Variants in RCAN2 observed in about 807,000 individuals in gnomAD.
RCAN2 encodes the protein calcipressin-2.
RCAN2 carries 9 observed loss-of-function variants against 23.6 expected under a neutral mutation model. The ratio of observed to expected loss-of-function variants is 0.38; its 90% CI spans 0.23 to 0.67. RCAN2 has a LOEUF of 0.67. RCAN2 is among the 30% of genes least tolerant of loss of function. The pLI, the probability that RCAN2 is intolerant of heterozygous loss-of-function variation, is 0.51. For missense variants in RCAN2, 273 were observed against 302.3 expected (o/e 0.90, Z 0.72); for synonymous variants, 109 against 115.7 (o/e 0.94, Z 0.37).
intron 2 of RCAN2, among the ~76,000 whole-genome samples, chr6:46,373,531 A>G (rs574735810): frequency 3.3e-5 from 5 of 152,220 alleles, no homozygotes; most frequent in Admixed American, 6.5e-5. Flanking sequence ...TGTTGGGATT[A>G]CAGGTGTGAG....
At chr6:46,409,554 A>G (rs1160976439) in intron 2 of RCAN2, among the ~76,000 whole-genome samples, 1 of 152,220 alleles carries the variant, frequency 6.6e-6, no homozygotes, top group East Asian at 1.9e-4. Context: ...TGCAACCATG[A>G]AAGTACTAGA....
chr6:46,244,687 T>G (rs961312367), intron 4 of RCAN2, among the ~76,000 whole-genome samples: 5 of 152,226 alleles, frequency 3.3e-5, no homozygotes, highest in Non-Finnish European at 7.3e-5. Flanking sequence ...AGCACAGCAT[T>G]GGAAGCTCTG....
chr6:46,279,674 T>C (rs1767836535), intron 2 of RCAN2, among the ~76,000 whole-genome samples: 1 of 152,244 alleles, frequency 6.6e-6, no homozygotes. Flanking sequence ...TATATGTGGC[T>C]ATAAACATTG....
At chr6:46,418,832 G>C (rs1431400162) in intron 2 of RCAN2, among the ~76,000 whole-genome samples, 10 of 151,198 alleles carry the variant, frequency 6.6e-5, no homozygotes, top group Non-Finnish European at 1.2e-4. Flanking sequence ...GCTCATGACT[G>C]TAATCCCAGC....
intron 2 of RCAN2, among the ~76,000 whole-genome samples, chr6:46,373,514 C>A (rs1765377568): frequency 6.6e-6 from 1 of 152,120 alleles, no homozygotes; most frequent in African/African-American, 2.4e-5. Flanking sequence ...ACCTAGGCCT[C>A]CTAAAGTGTT....
At chr6:46,399,711 A>G (rs1449909294) in intron 2 of RCAN2, among the ~76,000 whole-genome samples, 1 of 151,050 alleles carries the variant, frequency 6.6e-6, no homozygotes, top group Non-Finnish European at 1.5e-5. Flanking sequence ...CTCTGCCTTC[A>G]TTTTTTTCAC....
In RCAN2 at chr6:46,222,989, T is replaced by C. The variant is rs1765525913; in HGVS notation, c.*152A>G. ...TATGATCAGGAGACATATCACCTTT[T>C]CCTAGCCCTTTTGTCCGAGAGGCTT... On this transcript the variant is annotated 3_prime_UTR_variant, in exon 5 of 5. Coordinates refer to ENST00000371374, the MANE Select transcript of RCAN2 (RefSeq NM_001251974.2). The C allele has an allele frequency of 2.7e-6, 2 of 747,002 alleles. No homozygotes were observed. Among genetic ancestry groups the C allele is most frequent in the East Asian group, 5.1e-5 (2 of 39,506 alleles). The allele number at this position is 747,002 out of a possible 1,614,324, so 46.3% of individuals were successfully genotyped here. A position where few individuals can be genotyped will look rare whatever the true frequency, so the allele number is the denominator to read the frequency against.
chr6:46,392,088 C>T (rs1270027350), intron 2 of RCAN2, among the ~76,000 whole-genome samples: 1 of 152,152 alleles, frequency 6.6e-6, no homozygotes, highest in Admixed American at 6.6e-5. Context: ...GCTTAATAGG[C>T]AACCATATGC....
At chr6:46,276,176 C>T (rs557152253) in intron 2 of RCAN2, among the ~76,000 whole-genome samples, 3 of 152,066 alleles carry the variant, frequency 2.0e-5, no homozygotes, top group Admixed American at 6.5e-5. Flanking sequence ...GATTGTGCCA[C>T]TGCACTCCAG....
chr6:46,310,958 G>A (rs534455468), intron 2 of RCAN2, among the ~76,000 whole-genome samples: 16 of 152,164 alleles, frequency 1.1e-4, no homozygotes, highest in African/African-American at 3.9e-4. Flanking sequence ...TAGAACTTAA[G>A]GTATTTTCAA....
intron 2 of RCAN2, among the ~76,000 whole-genome samples, chr6:46,411,191 G>A (rs1766541565): frequency 6.6e-6 from 1 of 152,228 alleles, no homozygotes; most frequent in Non-Finnish European, 1.5e-5. Flanking sequence ...TCAGCCTTAA[G>A]AGGAAGGAAA....
At chr6:46,305,881 G>A (rs974308782) in intron 2 of RCAN2, among the ~76,000 whole-genome samples, 1 of 150,990 alleles carries the variant, frequency 6.6e-6, no homozygotes, top group African/African-American at 2.4e-5. Flanking sequence ...TCATTGGCCC[G>A]AACAATCACT....
intron 1 of RCAN2, among the ~76,000 whole-genome samples, chr6:46,472,421 A>G (rs1400152389): frequency 2.6e-5 from 4 of 152,200 alleles, no homozygotes; most frequent in Non-Finnish European, 5.9e-5. Context: ...ACTAAGACTA[A>G]TAAAGTTGAG....
At chr6:46,481,144 G>A (rs1768848380) in intron 1 of RCAN2, among the ~76,000 whole-genome samples, 1 of 152,176 alleles carries the variant, frequency 6.6e-6, no homozygotes, top group East Asian at 1.9e-4. Context: ...CACCCTGGGG[G>A]CACTTATTGT....
chr6:46,485,457 C>T (rs964642463), intron 1 of RCAN2, among the ~76,000 whole-genome samples: 1 of 152,130 alleles, frequency 6.6e-6, no homozygotes, highest in Non-Finnish European at 1.5e-5. Flanking sequence ...TTTTAATTCT[C>T]TCTTTTTATA....
At chr6:46,415,691 A>G (rs775686932) in intron 2 of RCAN2, among the ~76,000 whole-genome samples, 6 of 152,200 alleles carry the variant, frequency 3.9e-5, no homozygotes, top group Admixed American at 6.5e-5. Flanking sequence ...GTGGCACCCA[A>G]TGACTTTTAA....
At chr6:46,386,296 T>C (rs1765743896) in intron 2 of RCAN2, among the ~76,000 whole-genome samples, 1 of 151,676 alleles carries the variant, frequency 6.6e-6, no homozygotes, top group Non-Finnish European at 1.5e-5. Flanking sequence ...ATTAGAGAAA[T>C]GCAAATCAAA....
intron 4 of RCAN2, among the ~76,000 whole-genome samples, chr6:46,240,459 T>A (rs1342613764): frequency 6.6e-6 from 1 of 152,166 alleles, no homozygotes; most frequent in East Asian, 1.9e-4. Flanking sequence ...AAAACCTTTT[T>A]TTTCCAGGGA....
At chr6:46,430,505 A>G (rs527762194) in intron 2 of RCAN2, among the ~76,000 whole-genome samples, 1 of 152,246 alleles carries the variant, frequency 6.6e-6, no homozygotes, top group South Asian at 2.1e-4. Context: ...ACAGGTGGCA[A>G]TTAAAGGTTT....
Sources: allele counts gnomAD v4.1 joint callset (sites outside exome capture counted in the v4.1 genomes callset), GRCh38; gene constraint gnomAD v4.1.1; transcripts MANE v1.5; gene names NCBI Gene and HGNC (gene_info 2026-07-23, HGNC 2026-07-21).